Variants in NCK2 observed in about 807,000 individuals in gnomAD.
NCK2 encodes the protein NCK adaptor protein 2.
NCK2 carries 16 observed loss-of-function variants against 33.9 expected under a neutral mutation model. The ratio of observed to expected loss-of-function variants is 0.47; its 90% CI spans 0.32 to 0.72. The LOEUF (loss-of-function observed/expected upper bound fraction) is 0.72. NCK2 is among the 30% of genes least tolerant of loss of function. NCK2 has a pLI of 0.03. For synonymous variants in NCK2, 273 were observed against 239.9 expected, an observed-to-expected ratio of 1.14 and a Z score of -1.27; for missense variants, 418 against 537.3, an observed-to-expected ratio of 0.78 and a Z score of 2.19.
intron 2 of NCK2, among the ~76,000 whole-genome samples, chr2:105,850,163 C>G (rs182587239): frequency 6.6e-6 from 1 of 152,216 alleles, no homozygotes; most frequent in East Asian, 1.9e-4. Context: ...AATCTCAGAC[C>G]CTTAACTCCT....
In NCK2 at chr2:105,892,972, T is replaced by A; in HGVS notation, c.949-10T>A. On this transcript the variant is annotated splice_polypyrimidine_tract_variant and intron_variant, in intron 4 of 4. Transcript: ENST00000233154. ...GGCCCGGCTGTAACTGTGTTCTGTTTCCTCCCCAGCCCAGCGACTTCTCCG... is the reference window on the plus strand; with the variant it reads ...GGCCCGGCTGTAACTGTGTTCTGTTACCTCCCCAGCCCAGCGACTTCTCCG... The A allele has an allele frequency of 6.2e-7, 1 of 1,600,818 alleles. No individual in the cohort carries two copies.
At chr2:105,755,976 G>T (rs192512375) in intron 1 of NCK2, among the ~76,000 whole-genome samples, 30 of 152,172 alleles carry the variant, frequency 2.0e-4, no homozygotes, top group Non-Finnish European at 4.1e-4. Flanking sequence ...TAGACCTTAC[G>T]AAGGGAAAAG....
chr2:105,765,996 G>C (rs1689929507), intron 1 of NCK2, among the ~76,000 whole-genome samples: 1 of 152,040 alleles, frequency 6.6e-6, no homozygotes, highest in Admixed American at 6.5e-5. Flanking sequence ...CGCTTACACT[G>C]CACAGGTATG....
chr2:105,831,427 C>A (rs1035918441), intron 2 of NCK2, among the ~76,000 whole-genome samples: 1 of 123,948 alleles, frequency 8.1e-6, no homozygotes, highest in African/African-American at 2.8e-5. Context: ...TTTTTTTTGT[C>A]TTTTTGATAA....
intron 3 of NCK2, among the ~76,000 whole-genome samples, chr2:105,871,090 G>A (rs3754805): frequency 3.7e-4 from 57 of 152,200 alleles, no homozygotes; most frequent in African/African-American, 1.1e-3. Context: ...CTGGAGGGTC[G>A]ATGAGTGCGT....
intron 2 of NCK2, among the ~76,000 whole-genome samples, chr2:105,844,574 CAAA>C (rs748327037): frequency 3.0e-5 from 4 of 134,086 alleles, no homozygotes; most frequent in Non-Finnish European, 4.8e-5. Context: ...TAGAAAAAAA[CAAA>C]AAAAAAAAAA....
At position 105,881,427 on chromosome 2, in the gene NCK2, T is replaced by A. The variant is rs1398472942; in HGVS notation, c.326T>A (p.Ile109Asn). The A allele has an allele frequency of 6.2e-7, 1 of 1,613,322 alleles. No homozygotes were observed. The highest frequency in any genetic ancestry group is 8.5e-7 in the Non-Finnish European group (1 of 1,179,966). ...GCCAATGGCAGCGGCGCCGACCGCA[T>A]CTACGACCTCAACATCCCGGCCTTC... is the stretch of plus-strand genomic sequence containing the variant. ...YPANGSGADR[I>N]YDLNIPAFVK... The change falls in exon 4 of 5, where the codon ATC (isoleucine) becomes AAC (asparagine). Residue 109 changes from isoleucine to asparagine, a missense_variant. Physicochemically the swap from Ile to Asn is moderately radical, Grantham distance 149. Transcript: ENST00000233154.
chr2:105,866,759 C>A (rs1359670912), intron 3 of NCK2, among the ~76,000 whole-genome samples: 1 of 152,106 alleles, frequency 6.6e-6, no homozygotes, highest in Non-Finnish European at 1.5e-5. Context: ...GGTTGGGGAC[C>A]CCTGGTCTAG....
At chr2:105,888,726 G>A (rs1678825833) in intron 4 of NCK2, among the ~76,000 whole-genome samples, 1 of 152,210 alleles carries the variant, frequency 6.6e-6, no homozygotes, top group African/African-American at 2.4e-5. Flanking sequence ...CATTGTGGCT[G>A]CCTCTTTGCT....
chr2:105,749,891 G>A (rs962552093), intron 1 of NCK2, among the ~76,000 whole-genome samples: 17 of 152,170 alleles, frequency 1.1e-4, no homozygotes, highest in East Asian at 3.9e-4. Flanking sequence ...GAGGCCGGGC[G>A]CAGTGGCTCA....
rs537902956 is a variant in NCK2 at position 105,811,463 on chromosome 2, C to T, written c.-200-4967C>T. Reference sequence around the variant, plus strand: ...ACCTGCCAGCAATAACTTAAGCAGACCCTTAGAATGACCTTGTGTGGCAGA... The same window carrying T: ...ACCTGCCAGCAATAACTTAAGCAGATCCTTAGAATGACCTTGTGTGGCAGA... On this transcript the variant is annotated intron_variant, in intron 1 of 4. Coordinates refer to ENST00000233154, the MANE Select transcript of NCK2 (RefSeq NM_003581.5). Among the ~76,000 whole-genome samples the T allele has an allele frequency of 1.1e-4, 16 of 152,272 alleles. No individual in the cohort carries two copies. In the South Asian group the frequency reaches 2.9e-3, roughly 28 times the overall value.
At chr2:105,854,826 A>C in intron 2 of NCK2, 1 of 452,294 alleles carries the variant, frequency 2.2e-6, no homozygotes, top group Non-Finnish European at 4.0e-6. Context: ...CATGTACAGC[A>C]AACAGTAACA....
intron 2 of NCK2, among the ~76,000 whole-genome samples, chr2:105,850,691 C>T (rs1336666443): frequency 6.6e-6 from 1 of 152,216 alleles, no homozygotes; most frequent in African/African-American, 2.4e-5. Flanking sequence ...TTGGATCAGA[C>T]TTCTATGATG....
rs533110255 is a variant in NCK2 at position 105,837,045 on chromosome 2, C to T, written c.-16-18003C>T. The stretch of plus-strand genomic sequence containing the variant: ...CTTACTTTTTCCTATAACAGGGAGT[C>T]CCCCTTGGCTCTGAGTCAGTCCTGG... On this transcript the variant is annotated intron_variant, in intron 2 of 4. Transcript: ENST00000233154. 7.2e-5 allele frequency among the ~76,000 whole-genome samples: 11 copies of T among 152,286 alleles called. No individual in the cohort carries two copies. The South Asian group carries it at 1.9e-3, about 26-fold the overall frequency.
At chr2:105,812,846 TC>T (rs1260431425) in intron 1 of NCK2, among the ~76,000 whole-genome samples, 1 of 146,696 alleles carries the variant, frequency 6.8e-6, no homozygotes, top group Non-Finnish European at 1.5e-5. Flanking sequence ...TGTGCTAACA[TC>T]TAAGAGAAGC....
intron 1 of NCK2, among the ~76,000 whole-genome samples, chr2:105,783,709 GT>G (rs530125435): frequency 7.5e-4 from 113 of 150,170 alleles, no homozygotes; most frequent in African/African-American, 2.6e-3. Context: ...TTCAGATTAT[GT>G]TTTTTTTTCG....
chr2:105,796,674 AGCTCTCG>A (rs960883014), intron 1 of NCK2, among the ~76,000 whole-genome samples: 18 of 152,150 alleles, frequency 1.2e-4, no homozygotes, highest in African/African-American at 4.3e-4. Context: ...TTATTCCAGA[AGCTCTCG>A]GCATCATGTT....
chr2:105,796,089 AG>A (rs1234033202), intron 1 of NCK2, among the ~76,000 whole-genome samples: 6 of 152,260 alleles, frequency 3.9e-5, no homozygotes, highest in Non-Finnish European at 5.9e-5. Context: ...TTTATGATAC[AG>A]GTCCCAAGAA....
intron 1 of NCK2, among the ~76,000 whole-genome samples, chr2:105,796,171 CT>C (rs899091605): frequency 6.6e-6 from 1 of 152,312 alleles, no homozygotes; most frequent in African/African-American, 2.4e-5. Context: ...GGTTGATAGT[CT>C]CTGTATTGGC....
Sources: allele counts gnomAD v4.1 joint callset (sites outside exome capture counted in the v4.1 genomes callset), GRCh38; gene constraint gnomAD v4.1.1; transcripts MANE v1.5; gene names NCBI Gene and HGNC (gene_info 2026-07-23, HGNC 2026-07-21).